Variants in PPAT observed in about 807,000 individuals in gnomAD.
PPAT encodes the protein amidophosphoribosyltransferase.
In PPAT, 20 loss-of-function variants were observed where a neutral mutation model predicts 60.2. The ratio of observed to expected loss-of-function variants is 0.33; its 90% CI spans 0.23 to 0.48. The LOEUF (loss-of-function observed/expected upper bound fraction) is 0.48, where lower values mean the gene tolerates loss of function less well. Ranked by LOEUF, PPAT falls within the 20% of genes least tolerant of loss-of-function variation. The probability of loss-of-function intolerance (pLI) is 0.99; values close to 1 mark genes in which losing one functional copy is unlikely to be tolerated. For missense variants in PPAT, 349 were observed against 629.6 expected, an observed-to-expected ratio of 0.55 and a Z score of 4.77; for synonymous variants, 194 against 215.1, an observed-to-expected ratio of 0.90 and a Z score of 0.86.
intron 1 of PPAT, among the ~76,000 whole-genome samples, chr4:56,426,392 ACT>A (rs749834237): frequency 6.6e-6 from 1 of 150,538 alleles, no homozygotes; most frequent in Non-Finnish European, 1.5e-5. Context: ...ACTGAGCAAG[ACT>A]CTGTCTCAAA....
chr4:56,397,478 T>C (rs888151827), intron 9 of PPAT, among the ~76,000 whole-genome samples: 10 of 152,196 alleles, frequency 6.6e-5, no homozygotes, highest in African/African-American at 2.4e-4. Flanking sequence ...TAAACTGGCA[T>C]GCTGCTTTTC....
At chr4:56,420,408 T>G (rs1716982425) in intron 1 of PPAT, 1 of 152,196 alleles carries the variant, frequency 6.6e-6, no homozygotes, top group Admixed American at 6.5e-5. Flanking sequence ...AGATTTCATA[T>G]TAGGGATGCT....
In PPAT at chr4:56,410,529, C is replaced by A. The variant is rs939250315; in HGVS notation, c.129-2813G>T. The stretch of plus-strand genomic sequence containing the variant: ...GTCACTTTCAACATGGAGAGTGGAG[C>A]AGGAAAGCACTGGACTGAGGAGGAG... On this transcript the variant is annotated intron_variant, in intron 1 of 10. Coordinates refer to ENST00000264220, the MANE Select transcript of PPAT (RefSeq NM_002703.5). 1.6e-5 allele frequency: 16 copies of A among 986,410 alleles called. No homozygotes were observed. In the African/African-American group the frequency reaches 2.8e-4, roughly 17 times the overall value. 61.1% of individuals were successfully genotyped at this position (986,410 alleles called of 1,614,324 possible).
chr4:56,407,846 C>T, intron 1 of PPAT, 130 bp from the exon 2 acceptor site: 2 of 680,374 alleles, frequency 2.9e-6, no homozygotes, highest in Admixed American at 4.2e-5. Context: ...GCTACTTGTA[C>T]TAGCACTACT....
chr4:56,419,552 C>G (rs1490257156), intron 1 of PPAT: 1 of 439,232 alleles, frequency 2.3e-6, no homozygotes, highest in African/African-American at 2.1e-5. Context: ...ATGTTGCATC[C>G]AATTATTTAC....
chr4:56,397,559 A>C (rs1441530780), intron 9 of PPAT, among the ~76,000 whole-genome samples: 1 of 152,188 alleles, frequency 6.6e-6, no homozygotes, highest in African/African-American at 2.4e-5. Context: ...GCCCAGGCTG[A>C]GACTTTATTT....
rs1033312629 is a variant in PPAT at position 56,393,992 on chromosome 4, G to A, written c.*1360C>T. 8 of 152,176 alleles carry A rather than the reference G, an allele frequency of 5.3e-5. No individual in the cohort carries two copies. The highest frequency in any genetic ancestry group is 4.6e-4 in the Admixed American group (7 of 15,278). 9.4% of individuals were successfully genotyped at this position (152,176 alleles called of 1,614,324 possible). ...TATGCGAGACTATATACCAAAGGAA[G>A]ACAAACAGTTTCAGTTATTAATAAA... On this transcript the variant is annotated 3_prime_UTR_variant, in exon 11 of 11. Coordinates refer to ENST00000264220, the MANE Select transcript of PPAT (RefSeq NM_002703.5).
At position 56,423,850 on chromosome 4, in the gene PPAT, A is replaced by T. The variant is rs1717159944; in HGVS notation, c.128+11500T>A. On this transcript the variant is annotated intron_variant, in intron 1 of 10. Transcript: ENST00000264220. ...CTAAATACGTAAGAAAAAAACTTAAACAGGCAAGGATTTTAGGTACACCTG... is the reference window on the plus strand; with the variant it reads ...CTAAATACGTAAGAAAAAAACTTAATCAGGCAAGGATTTTAGGTACACCTG... 2.0e-5 allele frequency among the ~76,000 whole-genome samples: 3 copies of T among 152,202 alleles called. No homozygotes were observed. The South Asian group carries it at 6.2e-4, about 31-fold the overall frequency.
At position 56,402,169 on chromosome 4, in the gene PPAT, G is replaced by C; in HGVS notation, c.674C>G (p.Ser225Ter). The C allele has an allele frequency of 1.2e-6, 2 of 1,605,438 alleles. No individual in the cohort carries two copies. The highest frequency in any genetic ancestry group is 1.7e-6 in the Non-Finnish European group (2 of 1,173,520). ...AGACACCACCCATCCTTCTGTTTCT[G>C]ATGTTTTTTTCTCTGTAAATCACAA... is the stretch of plus-strand genomic sequence containing the variant. ...SDINDKEKKT[S>*]ETEGWVVSSE... Residue 225 changes from serine to a stop codon, truncating the protein, a stop_gained, in exon 6 of 11, where the codon TCA (serine) becomes TGA (stop). Transcript: ENST00000264220. LOFTEE classifies it high-confidence loss of function.
intron 1 of PPAT, among the ~76,000 whole-genome samples, chr4:56,426,238 T>TA (rs1472470839): frequency 6.6e-6 from 1 of 152,014 alleles, no homozygotes; most frequent in Non-Finnish European, 1.5e-5. Flanking sequence ...CCATCTCTAC[T>TA]AAAAATACAA....
intron 1 of PPAT, chr4:56,431,493 C>T: frequency 1.0e-6 from 1 of 979,156 alleles, no homozygotes; most frequent in Non-Finnish European, 1.2e-6. Flanking sequence ...AGCGTAATAA[C>T]AGAACCAAAA....
rs868330451 is a variant in PPAT at position 56,410,580 on chromosome 4, C to A, written c.129-2864G>T. ...GTTAAAGCTTTGCTAAGTGTCTGGGCAGAAAAAAATATACGAAAACAACTT... is the reference window on the plus strand; with the variant it reads ...GTTAAAGCTTTGCTAAGTGTCTGGGAAGAAAAAAATATACGAAAACAACTT... On this transcript the variant is annotated intron_variant, in intron 1 of 10. Coordinates refer to ENST00000264220, the MANE Select transcript of PPAT (RefSeq NM_002703.5). The A allele has an allele frequency of 5.6e-5, 55 of 985,288 alleles. No individual in the cohort carries two copies. The African/African-American group carries it at 8.4e-4, about 15-fold the overall frequency. 61.0% of individuals were successfully genotyped at this position (985,288 alleles called of 1,614,324 possible).
In PPAT at chr4:56,435,509, C is replaced by A. The variant is rs749612783; in HGVS notation, c.-32G>T. Reference sequence around the variant, plus strand: ...GCCGAAAGCACGTGGAAGGACCTGCCGCTGCGGCCAAGGTGTAAGCACCAA... The same window carrying A: ...GCCGAAAGCACGTGGAAGGACCTGCAGCTGCGGCCAAGGTGTAAGCACCAA... On this transcript the variant is annotated 5_prime_UTR_variant, in exon 1 of 11. Coordinates refer to ENST00000264220, the MANE Select transcript of PPAT (RefSeq NM_002703.5). 1.1e-5 allele frequency: 18 copies of A among 1,612,414 alleles called. No individual in the cohort carries two copies. In the Admixed American group the frequency reaches 2.8e-4, roughly 25 times the overall value.
At chr4:56,423,868 T>C (rs1301112138) in intron 1 of PPAT, among the ~76,000 whole-genome samples, 3 of 152,148 alleles carry the variant, frequency 2.0e-5, no homozygotes, top group Non-Finnish European at 2.9e-5. Context: ...GGATTTTAGG[T>C]ACACCTGCAA....
At chr4:56,412,635 A>G (rs540684919) in intron 1 of PPAT, among the ~76,000 whole-genome samples, 18 of 152,264 alleles carry the variant, frequency 1.2e-4, no homozygotes, top group African/African-American at 4.3e-4. Flanking sequence ...TAGCATCACT[A>G]TATTTCCAAT....
rs1448954533 is a variant in PPAT at position 56,396,265 on chromosome 4, T to G, written c.1357+354A>C. Reference sequence around the variant, plus strand: ...ATGAACCTACACAAACTTTTTACCTTGTGATTTGTATCCACATCCAAATTA... The same window carrying G: ...ATGAACCTACACAAACTTTTTACCTGGTGATTTGTATCCACATCCAAATTA... On this transcript the variant is annotated intron_variant, in intron 10 of 10. Transcript: ENST00000264220. The surrounding 1 kb of genome is among the most constrained non-coding windows in gnomAD (Gnocchi z 4.6). 1.2e-5 allele frequency: 2 copies of G among 160,074 alleles called. No homozygotes were observed. Among genetic ancestry groups the G allele is most frequent in the Non-Finnish European group, 2.7e-5 (2 of 73,620 alleles). The allele number at this position is 160,074 out of a possible 1,614,324, so 9.9% of individuals were successfully genotyped here.
At chr4:56,410,687 CAG>C in intron 1 of PPAT, 9 of 986,060 alleles carry the variant, frequency 9.1e-6, no homozygotes, top group Non-Finnish European at 9.7e-6. Flanking sequence ...AGACTGGAAA[CAG>C]TGCTGGGCTA....
chr4:56,402,820 CAAAAAAAAAAAAAA>C (rs556899549), intron 5 of PPAT, among the ~76,000 whole-genome samples: 20 of 44,044 alleles, frequency 4.5e-4, no homozygotes, highest in Middle Eastern at 0.021. Flanking sequence ...ACTCGGTCTC[CAAAAAAAAAAAAAA>C]AAAAAAAAAA....
chr4:56,400,923 G>A lies in PPAT; in HGVS notation c.887-12C>T. 1 of 1,605,320 alleles carries A rather than the reference G, an allele frequency of 6.2e-7. No individual in the cohort carries two copies. The highest frequency in any genetic ancestry group is 2.2e-5 in the East Asian group (1 of 44,826). ...ATAAACCATTTGGTCTGGTGTGTTT[G>A]GAAAAGGAGAGAGAGTATTTTTACT... On this transcript the variant is annotated splice_polypyrimidine_tract_variant and intron_variant, in intron 7 of 10. Transcript: ENST00000264220.
Sources: gnomAD v4.1 joint callset for allele counts (sites outside exome capture counted in the v4.1 genomes callset) on GRCh38, gnomAD v4.1.1 for gene constraint, Gnocchi (gnomAD v3.1) non-coding constraint, MANE v1.5 for transcripts, NCBI Gene and HGNC (gene_info 2026-07-23, HGNC 2026-07-21) for gene names.